PLXNA4: variants seen among roughly 807,000 people sequenced by gnomAD.
PLXNA4 encodes plexin A4, also known as plexin-A4.
Under a neutral mutation model 191.8 loss-of-function variants are expected in PLXNA4, and 44 were observed. The observed-to-expected ratio is 0.23, with a 90% CI of 0.18 to 0.29. The LOEUF is 0.29. Among genes scored for constraint, PLXNA4 ranks in the 10% least tolerant of loss-of-function variants. The pLI is 1.00. For missense variants in PLXNA4, 1,800 were observed against 2,488.8 expected (o/e 0.72, Z 5.89); for synonymous variants, 1,082 against 1,009.5 (o/e 1.07, Z -1.36).
intron 3 of PLXNA4, among the ~76,000 whole-genome samples, chr7:132,326,489 T>C (rs1044241788): frequency 5.3e-5 from 8 of 152,110 alleles, no homozygotes; most frequent in African/African-American, 1.7e-4. Flanking sequence ...GCCCCCTCTC[T>C]GTCCTACTCT....
chr7:132,177,349 G>A (rs755589981), intron 20 of PLXNA4, among the ~76,000 whole-genome samples: 2 of 152,230 alleles, frequency 1.3e-5, no homozygotes, highest in Non-Finnish European at 2.9e-5. Context: ...AGTTTGTGTA[G>A]AGGACGTCCT....
At chr7:132,515,157 C>T (rs1798887725) in intron 1 of PLXNA4, among the ~76,000 whole-genome samples, 1 of 152,146 alleles carries the variant, frequency 6.6e-6, no homozygotes, top group South Asian at 2.1e-4. Flanking sequence ...CCAGATGTAA[C>T]CTTGGAGAGG....
At chr7:132,446,668 A>G (rs184543176) in intron 3 of PLXNA4, among the ~76,000 whole-genome samples, 1 of 152,364 alleles carries the variant, frequency 6.6e-6, no homozygotes, top group Non-Finnish European at 1.5e-5. Context: ...TCAAGCATCA[A>G]CTATCCAGGT....
intron 4 of PLXNA4, among the ~76,000 whole-genome samples, chr7:132,295,119 T>C (rs1447983243): frequency 6.6e-6 from 1 of 152,178 alleles, no homozygotes; most frequent in African/African-American, 2.4e-5. Flanking sequence ...ACTGAAGCAA[T>C]AGGTTATTTG....
At chr7:132,163,847 T>C (rs1335835102) in intron 24 of PLXNA4, among the ~76,000 whole-genome samples, 1 of 152,222 alleles carries the variant, frequency 6.6e-6, no homozygotes, top group African/African-American at 2.4e-5. Flanking sequence ...AGAGTTCACC[T>C]GGGTCAAGGG....
Position 132,187,577 on chromosome 7 carries a change from G to A in PLXNA4, c.2887C>T (p.Arg963Trp), listed in dbSNP as rs780610869. ...TLTLSDLKPS[R>W]GPMSGGTQVT... ...TGGGTCCCTCCGGACATGGGCCCCC[G>A]GCTGGGCTTCAGATCTGAGAGAGTC... is the stretch of plus-strand genomic sequence containing the variant. The change falls in exon 15 of 32, where the codon CGG (arginine) becomes TGG (tryptophan). Residue 963 changes from arginine to tryptophan, a missense_variant. By Grantham distance (101) the Arg-to-Trp change is moderately radical. Coordinates refer to ENST00000321063, the MANE Select transcript of PLXNA4 (RefSeq NM_020911.2). 35 of 1,613,588 alleles carry A rather than the reference G, an allele frequency of 2.2e-5. No homozygotes were observed. Among genetic ancestry groups the A allele is most frequent in the African/African-American group, 8.0e-5 (6 of 74,884 alleles).
upstream of PLXNA4, among the ~76,000 whole-genome samples, chr7:132,581,110 G>A (rs1224044615): frequency 6.6e-6 from 1 of 152,204 alleles, no homozygotes; most frequent in African/African-American, 2.4e-5. Context: ...CAGCTCTCAA[G>A]ATTCTCAGTC....
At chr7:132,397,909 T>C (rs1220458826) in intron 3 of PLXNA4, among the ~76,000 whole-genome samples, 1 of 152,222 alleles carries the variant, frequency 6.6e-6, no homozygotes, top group Non-Finnish European at 1.5e-5. Flanking sequence ...GGAAGGAAAT[T>C]GGAATTCCAG....
chr7:132,211,204 T>G, intron 9 of PLXNA4, 61 bp from the exon 10 acceptor site: 12 of 1,500,666 alleles, frequency 8.0e-6, no homozygotes, highest in Non-Finnish European at 9.9e-6. Context: ...CAAGGACCTC[T>G]GCAGACATAA....
intron 1 of PLXNA4, among the ~76,000 whole-genome samples, chr7:132,569,958 T>C (rs1430882746): frequency 1.3e-5 from 2 of 152,234 alleles, no homozygotes; most frequent in Non-Finnish European, 2.9e-5. Flanking sequence ...GCCACCCCTT[T>C]ATTCACATTT....
intron 21 of PLXNA4, 132 bp from the exon 22 acceptor site, chr7:132,168,704 T>A: frequency 7.7e-7 from 1 of 1,298,616 alleles, no homozygotes; most frequent in Non-Finnish European, 1.0e-6. Context: ...TGGCTAATGC[T>A]GTCAAGCCCT....
chr7:132,237,404 C>T (rs538788970), intron 5 of PLXNA4, among the ~76,000 whole-genome samples: 31 of 152,264 alleles, frequency 2.0e-4, no homozygotes, highest in African/African-American at 6.5e-4. Context: ...AGGCACTCTT[C>T]GCAAGGGAGT....
intron 3 of PLXNA4, among the ~76,000 whole-genome samples, chr7:132,428,090 G>A (rs560722991): frequency 3.9e-5 from 6 of 152,304 alleles, no homozygotes; most frequent in Non-Finnish European, 7.4e-5. Flanking sequence ...AAGCCTCCAG[G>A]TGACATGGGA....
chr7:132,285,914 C>T (rs572205950), intron 4 of PLXNA4, among the ~76,000 whole-genome samples: 85 of 152,252 alleles, frequency 5.6e-4, no homozygotes, highest in Non-Finnish European at 1.1e-3. Flanking sequence ...GTGAGGTGGT[C>T]AAGGCCCACC....
Position 132,179,995 on chromosome 7 carries a change from T to A in PLXNA4, c.3640-74A>T, listed in dbSNP as rs535185278. The A allele has an allele frequency of 1.7e-4, 262 of 1,502,326 alleles. No homozygotes were observed. The African/African-American group carries it at 3.0e-3, about 17-fold the overall frequency. 93.1% of individuals were successfully genotyped at this position (1,502,326 alleles called of 1,614,324 possible). ...TTTGGCAACAGTCCCAAGTTACCCATGAACTAGTGACCAGGGCAGGATGAC... is the reference window on the plus strand; with the variant it reads ...TTTGGCAACAGTCCCAAGTTACCCAAGAACTAGTGACCAGGGCAGGATGAC... On this transcript the variant is annotated intron_variant, in intron 19 of 31. Coordinates refer to ENST00000321063, the MANE Select transcript of PLXNA4 (RefSeq NM_020911.2).
At chr7:132,297,979 C>A in intron 4 of PLXNA4, 112 bp downstream of exon 4, 1 of 1,390,820 alleles carries the variant, frequency 7.2e-7, no homozygotes, top group Non-Finnish European at 1.0e-6. Context: ...ATACATACTA[C>A]GCCAAATAAA....
intron 2 of PLXNA4, 43 bp from the exon 3 acceptor site, chr7:132,489,517 G>A: frequency 6.9e-7 from 1 of 1,455,740 alleles, no homozygotes; most frequent in South Asian, 1.4e-5. Flanking sequence ...GAGCGTCAAG[G>A]AAATTGGCAG....
At chr7:132,556,086 A>G (rs574390586) in intron 1 of PLXNA4, among the ~76,000 whole-genome samples, 1 of 152,364 alleles carries the variant, frequency 6.6e-6, no homozygotes, top group Admixed American at 6.5e-5. Flanking sequence ...CTAGAAGGTG[A>G]GCTGAAACCT....
chr7:132,553,097 A>C (rs1371735834), intron 1 of PLXNA4, among the ~76,000 whole-genome samples: 1 of 152,170 alleles, frequency 6.6e-6, no homozygotes, highest in African/African-American at 2.4e-5. Context: ...CACAGGCAGA[A>C]AACCTGCTGC....
Sources: allele counts gnomAD v4.1 joint callset (sites outside exome capture counted in the v4.1 genomes callset), GRCh38; gene constraint gnomAD v4.1.1; transcripts MANE v1.5; gene names NCBI Gene and HGNC (gene_info 2026-07-23, HGNC 2026-07-21).